OPCML: variants seen among roughly 807,000 people sequenced by gnomAD.
OPCML encodes opioid binding protein/cell adhesion molecule like.
OPCML carries 13 observed loss-of-function variants against 37.8 expected under a neutral mutation model. That is an observed-to-expected ratio of 0.34 (90% CI 0.22 to 0.55). OPCML has a LOEUF of 0.55. Ranked by LOEUF, OPCML falls within the 20% of genes least tolerant of loss-of-function variation. The pLI is 0.91. For missense variants in OPCML, 341 were observed against 435.6 expected (o/e 0.78, Z 1.93); for synonymous variants, 176 against 168.8 (o/e 1.04, Z -0.33).
chr11:132,458,775 G>A (rs768072041), intron 4 of OPCML, among the ~76,000 whole-genome samples: 2 of 152,150 alleles, frequency 1.3e-5, no homozygotes, highest in Non-Finnish European at 2.9e-5. Flanking sequence ...TAATGCCAAT[G>A]TCTGCCATAA....
chr11:132,904,851 C>A (rs568755658), intron 2 of OPCML, among the ~76,000 whole-genome samples: 14 of 152,276 alleles, frequency 9.2e-5, no homozygotes, highest in Non-Finnish European at 1.9e-4. Flanking sequence ...CTTCAGAGGT[C>A]GTGAGTTTGT....
At position 132,529,253 on chromosome 11, in the gene OPCML, C is replaced by T. The variant is rs958548064; in HGVS notation, c.380-67G>A. 8 of 1,513,332 alleles carry T rather than the reference C, an allele frequency of 5.3e-6. No homozygotes were observed. The African/African-American group carries it at 8.4e-5, about 16-fold the overall frequency. The allele number at this position is 1,513,332 out of a possible 1,614,324, so 93.7% of individuals were successfully genotyped here. On this transcript the variant is annotated intron_variant, in intron 3 of 7. Coordinates refer to ENST00000524381, the MANE Select transcript of OPCML (RefSeq NM_001012393.5). ...TTTGCACTTAAAAGGAGGTGTTAGC[C>T]TACAAATTTTTGTATAGCATGTTTT... is the stretch of plus-strand genomic sequence containing the variant.
chr11:132,865,812 AACTCATAGATAATGTAG>A (rs1331909411), intron 2 of OPCML, among the ~76,000 whole-genome samples: 1 of 152,216 alleles, frequency 6.6e-6, no homozygotes, highest in Non-Finnish European at 1.5e-5. Context: ...TATTAGAAAA[AACTCATAGATAATGTAG>A]AAGGAAATGG....
intron 4 of OPCML, among the ~76,000 whole-genome samples, chr11:132,457,566 A>G (rs2096086789): frequency 6.6e-6 from 1 of 152,214 alleles, no homozygotes. Flanking sequence ...ACAAATACCA[A>G]TATAACAGCA....
intron 1 of OPCML, among the ~76,000 whole-genome samples, chr11:133,201,730 G>A (rs2136320597): frequency 6.6e-6 from 1 of 152,278 alleles, no homozygotes; most frequent in East Asian, 1.9e-4. Context: ...TAACTTGGAG[G>A]ACTTTGTTCT....
At chr11:132,710,469 A>G (rs917909447) in intron 2 of OPCML, among the ~76,000 whole-genome samples, 7 of 152,216 alleles carry the variant, frequency 4.6e-5, no homozygotes, top group African/African-American at 1.7e-4. Flanking sequence ...CTGTGCCCAA[A>G]GTTGCTCATG....
At chr11:132,786,573 A>G (rs1357016877) in intron 2 of OPCML, among the ~76,000 whole-genome samples, 1 of 152,100 alleles carries the variant, frequency 6.6e-6, no homozygotes, top group Non-Finnish European at 1.5e-5. Flanking sequence ...GCCTCTTAGG[A>G]ATATTAATAT....
intron 3 of OPCML, among the ~76,000 whole-genome samples, chr11:132,594,475 A>G (rs2096489435): frequency 6.6e-6 from 1 of 152,216 alleles, no homozygotes. Flanking sequence ...TTTAAAATAT[A>G]TTGAAATGTA....
At chr11:133,029,773 A>G (rs919875341) in intron 1 of OPCML, among the ~76,000 whole-genome samples, 1 of 152,292 alleles carries the variant, frequency 6.6e-6, no homozygotes, top group African/African-American at 2.4e-5. Flanking sequence ...GCTGCTACTC[A>G]GGTGACAGGA....
At chr11:132,742,675 A>G (rs1591543683) in intron 2 of OPCML, among the ~76,000 whole-genome samples, 1 of 150,622 alleles carries the variant, frequency 6.6e-6, no homozygotes, top group Non-Finnish European at 1.5e-5. Flanking sequence ...TCATAGTCAT[A>G]TATTTTATAT....
chr11:132,855,983 C>A (rs1467931843), intron 2 of OPCML, among the ~76,000 whole-genome samples: 1 of 152,140 alleles, frequency 6.6e-6, no homozygotes, highest in African/African-American at 2.4e-5. Flanking sequence ...TGTTACAGTT[C>A]AGCTACATAT....
chr11:132,617,526 A>G (rs1012082306), intron 3 of OPCML, among the ~76,000 whole-genome samples: 1 of 152,236 alleles, frequency 6.6e-6, no homozygotes, highest in Non-Finnish European at 1.5e-5. Context: ...AGCCTTAATC[A>G]TCACCAGTCA....
chr11:133,093,810 G>A (rs888955612), intron 1 of OPCML, among the ~76,000 whole-genome samples: 3 of 151,900 alleles, frequency 2.0e-5, no homozygotes, highest in Non-Finnish European at 4.4e-5. Context: ...TCAGAGTAAT[G>A]CAGTGGGAAA....
At chr11:133,501,296 C>T (rs542682605) in intron 1 of OPCML, among the ~76,000 whole-genome samples, 22 of 152,168 alleles carry the variant, frequency 1.4e-4, no homozygotes, top group South Asian at 6.2e-4. Flanking sequence ...GACCCCCCCA[C>T]GGTACAGTGC....
intron 1 of OPCML, among the ~76,000 whole-genome samples, chr11:133,258,202 T>C (rs987386016): frequency 2.6e-5 from 4 of 152,180 alleles, no homozygotes; most frequent in African/African-American, 9.7e-5. Flanking sequence ...TGACATTGCC[T>C]GCATGCCCTA....
At chr11:132,974,677 C>A (rs760124936) in intron 1 of OPCML, among the ~76,000 whole-genome samples, 9 of 152,176 alleles carry the variant, frequency 5.9e-5, no homozygotes, top group Non-Finnish European at 1.2e-4. Flanking sequence ...ATAAATCATT[C>A]TACCATAAAG....
At chr11:133,034,154 G>A (rs1466890163) in intron 1 of OPCML, among the ~76,000 whole-genome samples, 2 of 152,138 alleles carry the variant, frequency 1.3e-5, no homozygotes, top group Non-Finnish European at 2.9e-5. Flanking sequence ...GGGGTAAGCT[G>A]GCTCTGGGCA....
chr11:133,129,904 T>C (rs901642514), intron 1 of OPCML, among the ~76,000 whole-genome samples: 6 of 151,760 alleles, frequency 4.0e-5, no homozygotes, highest in Non-Finnish European at 5.9e-5. Context: ...CAAGAACTTA[T>C]CTCTAAAATA....
chr11:132,687,386 A>AGCAAGAAGTGC (rs1334302675), intron 2 of OPCML, among the ~76,000 whole-genome samples: 4 of 31,242 alleles, frequency 1.3e-4, no homozygotes, highest in Non-Finnish European at 2.3e-4. Context: ...ATATATATAT[A>AGCAAGAAGTGC]TATATATATA....
Sources: gnomAD v4.1 joint callset for allele counts (sites outside exome capture counted in the v4.1 genomes callset) on GRCh38, gnomAD v4.1.1 for gene constraint, MANE v1.5 for transcripts, NCBI Gene and HGNC (gene_info 2026-07-23, HGNC 2026-07-21) for gene names.